The following MED18 variants were observed in gnomAD, a reference collection of about 807,000 sequenced individuals.
MED18 encodes mediator complex subunit 18, also known as mediator of RNA polymerase II transcription subunit 18.
MED18 carries 10 observed loss-of-function variants against 13.9 expected under a neutral mutation model. The observed-to-expected ratio is 0.72, with a 90% CI of 0.44 to 1.22. The LOEUF is 1.22. Ranked by LOEUF, MED18 falls within the 50% of genes most tolerant of loss-of-function variation. The pLI, the probability that MED18 is intolerant of heterozygous loss-of-function variation, is 0.00. For synonymous variants in MED18, 88 were observed against 93.2 expected, an observed-to-expected ratio of 0.94 and a Z score of 0.32; for missense variants, 216 against 279.0, an observed-to-expected ratio of 0.77 and a Z score of 1.61.
At position 28,335,712 on chromosome 1, in the gene MED18, C is replaced by T. The variant is rs528093346; in HGVS notation, c.*742C>T. On this transcript the variant is annotated 3_prime_UTR_variant, in exon 3 of 3. Transcript: ENST00000373842. Reference sequence around the variant, plus strand: ...TAGCAGGCGCTTGTAATCCCAGCTACTTGGGAGGCTGAGGCTGGAGAATCG... The same window carrying T: ...TAGCAGGCGCTTGTAATCCCAGCTATTTGGGAGGCTGAGGCTGGAGAATCG... 6.6e-6 allele frequency: 1 copy of T among 152,160 alleles called. No homozygotes were observed. The highest frequency in any genetic ancestry group is 2.1e-4 in the South Asian group (1 of 4,818). 9.4% of individuals were successfully genotyped at this position (152,160 alleles called of 1,614,324 possible).
intron 2 of MED18, among the ~76,000 whole-genome samples, chr1:28,332,709 C>T (rs940001347): frequency 2.6e-5 from 4 of 152,060 alleles, no homozygotes; most frequent in Non-Finnish European, 4.4e-5. Flanking sequence ...TTGTTGACAA[C>T]GGTAAAGATG....
chr1:28,330,439 C>T (rs1649680385), intron 1 of MED18, 158 bp from the exon 2 acceptor site: 1 of 399,500 alleles, frequency 2.5e-6, no homozygotes, highest in Middle Eastern at 7.1e-4. Flanking sequence ...ACCAGATCTC[C>T]TTTCTATATT....
intron 2 of MED18, 142 bp from the exon 3 acceptor site, chr1:28,334,275 G>A (rs1649846291): frequency 2.2e-6 from 2 of 921,300 alleles, no homozygotes; most frequent in Admixed American, 2.5e-5. Context: ...TGTAATTTCT[G>A]TAAAATCTCA....
rs1569634514 is a variant in MED18, at chr1:28,330,811, A to G, written c.73+76A>G. 5.1e-6 allele frequency: 6 copies of G among 1,176,904 alleles called. No homozygotes were observed. The East Asian group carries it at 1.7e-4, about 33-fold the overall frequency. The allele number at this position is 1,176,904 out of a possible 1,614,324, so 72.9% of individuals were successfully genotyped here. ...CTTCCCTTAAGATGAGAGACTTAACACAAAAGCAGCCTGCACAGTTTCTGG... is the reference window on the plus strand; with the variant it reads ...CTTCCCTTAAGATGAGAGACTTAACGCAAAAGCAGCCTGCACAGTTTCTGG... On this transcript the variant is annotated intron_variant, in intron 2 of 2. Coordinates refer to ENST00000373842, the MANE Select transcript of MED18 (RefSeq NM_017638.3).
chr1:28,333,714 GCTGGGCGTGGTGGCACACGC>G (rs1476955745), intron 2 of MED18, among the ~76,000 whole-genome samples: 3 of 152,090 alleles, frequency 2.0e-5, no homozygotes, highest in Admixed American at 6.5e-5. Flanking sequence ...ACAACAATTA[GCTGGGCGTGGTGGCACACGC>G]CTGTAGTCCC....
rs552234503 is a variant in MED18, at chr1:28,332,109, T to G, written c.73+1374T>G. Among the ~76,000 whole-genome samples, 7 of 152,266 alleles carry G rather than the reference T, an allele frequency of 4.6e-5. No homozygotes were observed. The East Asian group carries it at 1.2e-3, about 25-fold the overall frequency. ...AGCCATAGCCATGGAGGCAGAAAGA[T>G]GACTAAAAAAATGTATGTCAAGCCA... is the stretch of plus-strand genomic sequence containing the variant. On this transcript the variant is annotated intron_variant, in intron 2 of 2. Coordinates refer to ENST00000373842, the MANE Select transcript of MED18 (RefSeq NM_017638.3).
chr1:28,329,989 G>T (rs1484333435), intron 1 of MED18, among the ~76,000 whole-genome samples: 1 of 152,064 alleles, frequency 6.6e-6, no homozygotes, highest in African/African-American at 2.4e-5. Context: ...CTGGCCTTTG[G>T]CCGGGCACGG....
chr1:28,330,707 C>T lies in MED18; in HGVS notation c.45C>T (p.Thr15=), dbSNP rs753053549. 4.4e-5 allele frequency: 71 copies of T among 1,602,726 alleles called. No homozygotes were observed. Among genetic ancestry groups the T allele is most frequent in the Non-Finnish European group, 5.9e-5 (69 of 1,175,608 alleles). Residue 15 remains threonine (T), a synonymous_variant, in exon 2 of 3, where the codon ACC becomes ACT. Transcript: ENST00000373842. ...PVTMMPVTGG[T]INMMEYLLQG... ...CCATGATGCCTGTCACTGGGGGCAC[C>T]ATTAACATGATGGAGTACCTGTTGC... is the stretch of plus-strand genomic sequence containing the variant.
intron 2 of MED18, 74 bp from the exon 3 acceptor site, chr1:28,334,343 G>GT (rs1380895727): frequency 1.5e-5 from 23 of 1,488,448 alleles, no homozygotes; most frequent in Admixed American, 4.5e-5. Flanking sequence ...TTTCATTTAA[G>GT]TTTTTTCAAT....
chr1:28,335,471 C>A lies in MED18; in HGVS notation c.*501C>A, dbSNP rs892503690. 2 of 162,052 alleles carry A rather than the reference C, an allele frequency of 1.2e-5. No homozygotes were observed. The highest frequency in any genetic ancestry group is 5.7e-5 in the Admixed American group (1 of 17,454). The allele number at this position is 162,052 out of a possible 1,614,324, so 10.0% of individuals were successfully genotyped here. ...GTGGCGATTTCACTTTCATGACAGCCTTTCTATATTAAAGGCTCAGGATGT... is the reference window on the plus strand; with the variant it reads ...GTGGCGATTTCACTTTCATGACAGCATTTCTATATTAAAGGCTCAGGATGT... On this transcript the variant is annotated 3_prime_UTR_variant, in exon 3 of 3. Coordinates refer to ENST00000373842, the MANE Select transcript of MED18 (RefSeq NM_017638.3).
chr1:28,333,051 CAG>C (rs1420224050), intron 2 of MED18, among the ~76,000 whole-genome samples: 1 of 152,176 alleles, frequency 6.6e-6, no homozygotes, highest in African/African-American at 2.4e-5. Context: ...CAACTAAAAA[CAG>C]AGAGTTGCCA....
chr1:28,329,236 T>A (rs566644128), intron 1 of MED18, 56 bp downstream of exon 1: 29 of 152,596 alleles, frequency 1.9e-4, no homozygotes, highest in Admixed American at 1.8e-3. Context: ...TAGAAGGACC[T>A]ATATACCATC....
At chr1:28,331,901 GC>G (rs1649749412) in intron 2 of MED18, among the ~76,000 whole-genome samples, 1 of 151,934 alleles carries the variant, frequency 6.6e-6, no homozygotes, top group African/African-American at 2.4e-5. Context: ...CACCACCATG[GC>G]CAGCTAATTT....
At chr1:28,329,225 T>G (rs1411530623) in intron 1 of MED18, 45 bp downstream of exon 1, 1 of 151,760 alleles carries the variant, frequency 6.6e-6, no homozygotes, top group African/African-American at 2.4e-5. Context: ...GGATGCCGGC[T>G]TAGAAGGACC....
chr1:28,331,113 G>A (rs1649717241), intron 2 of MED18, among the ~76,000 whole-genome samples: 2 of 151,028 alleles, frequency 1.3e-5, no homozygotes, highest in South Asian at 2.1e-4. Flanking sequence ...AGAATGGTGT[G>A]AACCTGGGAG....
At position 28,334,751 on chromosome 1, in the gene MED18, C is replaced by T. The variant is rs148454642; in HGVS notation, c.408C>T (p.Phe136=). The change falls in exon 3 of 3, where the codon TTC becomes TTT. Residue 136 remains phenylalanine, a synonymous_variant. Transcript: ENST00000373842. ...AGTTTGTTGCTAAGGGACATTTGTT[C>T]CGTAAGGGCATCATGAAGATTATGG... The part of the protein sequence containing the change: ...DHEFVAKGHL[F]RKGIMKIMVY... The T allele has an allele frequency of 1.1e-5, 17 of 1,614,180 alleles. No homozygotes were observed. Among genetic ancestry groups the T allele is most frequent in the Admixed American group, 8.3e-5 (5 of 60,014 alleles).
Position 28,335,193 on chromosome 1 carries a change from C to T in MED18, c.*223C>T. ...AGTAGCTGGGATTACAGGCACATGC[C>T]ACCATGCTCAGCTAATTTTTGTATT... On this transcript the variant is annotated 3_prime_UTR_variant, in exon 3 of 3. Coordinates refer to ENST00000373842, the MANE Select transcript of MED18 (RefSeq NM_017638.3). 1 of 492,046 alleles carries T rather than the reference C, an allele frequency of 2.0e-6. No individual in the cohort carries two copies. Among genetic ancestry groups the T allele is most frequent in the East Asian group, 3.5e-5 (1 of 28,184 alleles). 30.5% of individuals were successfully genotyped at this position (492,046 alleles called of 1,614,324 possible). A position where few individuals can be genotyped will look rare whatever the true frequency, so the allele number is the denominator to read the frequency against.
intron 1 of MED18, among the ~76,000 whole-genome samples, chr1:28,329,823 T>C (rs530299472): frequency 1.3e-5 from 2 of 152,342 alleles, no homozygotes; most frequent in African/African-American, 2.4e-5. Flanking sequence ...CAAACTCTGC[T>C]ACCAACTTGC....
intron 2 of MED18, 195 bp downstream of exon 2, chr1:28,330,930 C>T (rs188819043): frequency 2.7e-4 from 99 of 361,870 alleles, no homozygotes; most frequent in Non-Finnish European, 4.5e-4. Flanking sequence ...TGGTGGCTCA[C>T]GCGTATAATC....
Sources: allele counts gnomAD v4.1 joint callset (sites outside exome capture counted in the v4.1 genomes callset), GRCh38; gene constraint gnomAD v4.1.1; transcripts MANE v1.5; gene names NCBI Gene and HGNC (gene_info 2026-07-23, HGNC 2026-07-21).